PPP2R2A: variants seen among roughly 807,000 people sequenced by gnomAD.
The protein encoded by PPP2R2A is protein phosphatase 2 regulatory subunit Balpha.
PPP2R2A carries 9 observed loss-of-function variants against 53.2 expected under a neutral mutation model. The ratio of observed to expected loss-of-function variants is 0.17; its 90% CI spans 0.10 to 0.30. PPP2R2A has a LOEUF of 0.30. PPP2R2A is among the 10% of genes least tolerant of loss of function. The probability of loss-of-function intolerance (pLI) is 1.00; values close to 1 mark genes in which losing one functional copy is unlikely to be tolerated. For synonymous variants in PPP2R2A, 169 were observed against 174.2 expected (o/e 0.97, Z 0.23); for missense variants, 235 against 534.6 (o/e 0.44, Z 5.53).
At chr8:26,307,989 C>T (rs1802100118) in intron 2 of PPP2R2A, among the ~76,000 whole-genome samples, 1 of 152,170 alleles carries the variant, frequency 6.6e-6, no homozygotes, top group Non-Finnish European at 1.5e-5. Flanking sequence ...TTCCAGATCA[C>T]TGTAATAAAG....
At chr8:26,334,029 T>C (rs1183343325) in intron 2 of PPP2R2A, among the ~76,000 whole-genome samples, 1 of 152,196 alleles carries the variant, frequency 6.6e-6, no homozygotes. Flanking sequence ...ACAAAAATAC[T>C]CTTATGCCTT....
intron 2 of PPP2R2A, among the ~76,000 whole-genome samples, chr8:26,304,806 CA>C (rs1468367764): frequency 6.6e-6 from 1 of 152,150 alleles, no homozygotes; most frequent in Non-Finnish European, 1.5e-5. Context: ...TTGGTAGTAG[CA>C]AAGGCATTGC....
At chr8:26,306,688 T>C (rs1235896355) in intron 2 of PPP2R2A, among the ~76,000 whole-genome samples, 1 of 151,988 alleles carries the variant, frequency 6.6e-6, no homozygotes, top group African/African-American at 2.4e-5. Flanking sequence ...AAAAATCTAA[T>C]AAAGGTTGGG....
intron 1 of PPP2R2A, chr8:26,293,333 A>G: frequency 1.4e-6 from 2 of 1,411,820 alleles, no homozygotes; most frequent in Non-Finnish European, 1.9e-6. Context: ...CACTTAAGAA[A>G]ACTCTTTAAC....
At chr8:26,345,871 A>G (rs1804186292) in intron 3 of PPP2R2A, among the ~76,000 whole-genome samples, 1 of 152,194 alleles carries the variant, frequency 6.6e-6, no homozygotes, top group Admixed American at 6.5e-5. Context: ...TTGAATTTGG[A>G]TGGGCCACAT....
chr8:26,295,112 A>G (rs1045192548), intron 2 of PPP2R2A, among the ~76,000 whole-genome samples: 1 of 152,188 alleles, frequency 6.6e-6, no homozygotes, highest in Non-Finnish European at 1.5e-5. Context: ...GCAGTTGTGT[A>G]ATACTCACCA....
Position 26,370,079 on chromosome 8 carries a change from T to G in PPP2R2A, c.1065-55T>G. On this transcript the variant is annotated intron_variant, in intron 9 of 9. Transcript: ENST00000380737. This position sits in a 1 kb window ranked among gnomAD's most constrained non-coding sequence, Gnocchi z 6.1. Reference sequence around the variant, plus strand: ...GGTTTAATTGCCGAATCATTTTACTTGAAAACAATTTCTTGTTCTGCTTGT... The same window carrying G: ...GGTTTAATTGCCGAATCATTTTACTGGAAAACAATTTCTTGTTCTGCTTGT... The G allele has an allele frequency of 1.9e-6, 3 of 1,551,974 alleles. No individual in the cohort carries two copies. The highest frequency in any genetic ancestry group is 2.3e-5 in the East Asian group (1 of 44,116).
chr8:26,337,968 T>G (rs1411826147), intron 2 of PPP2R2A, among the ~76,000 whole-genome samples: 1 of 152,250 alleles, frequency 6.6e-6, no homozygotes, highest in Non-Finnish European at 1.5e-5. Flanking sequence ...TTTTAAAGTA[T>G]GTATATCATC....
chr8:26,293,623 A>G (rs1196742867), intron 1 of PPP2R2A, 43 bp from the exon 2 acceptor site: 3 of 1,578,368 alleles, frequency 1.9e-6, no homozygotes, highest in Non-Finnish European at 8.7e-7. Context: ...GAGAGTCAAC[A>G]TAAGCAGAAC....
At chr8:26,364,583 T>C (rs1805272757) in intron 8 of PPP2R2A, among the ~76,000 whole-genome samples, 5 of 152,256 alleles carry the variant, frequency 3.3e-5, no homozygotes, top group Admixed American at 3.3e-4. Flanking sequence ...TTTATACATA[T>C]ACTTTCTTTA....
rs2229762 is a variant in PPP2R2A at position 26,363,815 on chromosome 8, T to C, written c.897T>C (p.Tyr299=). 4.8e-3 allele frequency: 7,654 copies of C among 1,609,022 alleles called. 321 individuals carry two copies. The East Asian group carries it at 0.1, about 22-fold the overall frequency. ...TAAAATTCAGCCATAGTGGTCGATA[T>C]ATGATGACTAGAGACTATTTGTCAG... is the stretch of plus-strand genomic sequence containing the variant. The part of the protein sequence containing the change: ...SDVKFSHSGR[Y]MMTRDYLSVK... Residue 299 remains tyrosine, a synonymous_variant, in exon 8 of 10, where the codon TAT becomes TAC. Transcript: ENST00000380737.
chr8:26,352,254 A>G (rs920923718), intron 3 of PPP2R2A, among the ~76,000 whole-genome samples: 2 of 152,312 alleles, frequency 1.3e-5, no homozygotes, highest in Middle Eastern at 3.4e-3. Context: ...AGTGTTGAGT[A>G]TGCGGTTATG....
intron 9 of PPP2R2A, among the ~76,000 whole-genome samples, chr8:26,367,427 T>C (rs1805432261): frequency 6.6e-6 from 1 of 152,220 alleles, no homozygotes; most frequent in South Asian, 2.1e-4. Context: ...TTATGTTCTA[T>C]TATCAGAAAA....
rs943830594 is a variant in PPP2R2A at position 26,316,062 on chromosome 8, C to T, written c.82+22322C>T. Among the ~76,000 whole-genome samples the T allele has an allele frequency of 2.0e-5, 3 of 152,058 alleles. No homozygotes were observed. In the East Asian group the frequency reaches 5.8e-4, roughly 29 times the overall value. ...TGTTGTTGCCCAGGCTGGAGTACAA[C>T]GGTGCGACCTCGGCTCACTGCAGCC... is the stretch of plus-strand genomic sequence containing the variant. On this transcript the variant is annotated intron_variant, in intron 2 of 9. Transcript: ENST00000380737.
intron 2 of PPP2R2A, among the ~76,000 whole-genome samples, chr8:26,314,797 CCTT>C (rs549968026): frequency 2.0e-5 from 3 of 149,494 alleles, no homozygotes; most frequent in Non-Finnish European, 4.4e-5. Flanking sequence ...AGATTCATTT[CCTT>C]CTGTTTTTTC....
At chr8:26,313,160 A>G (rs1802372782) in intron 2 of PPP2R2A, among the ~76,000 whole-genome samples, 1 of 151,532 alleles carries the variant, frequency 6.6e-6, no homozygotes, top group South Asian at 2.1e-4. Flanking sequence ...CAGCCTCCCA[A>G]GTAGCTAGGA....
intron 2 of PPP2R2A, among the ~76,000 whole-genome samples, chr8:26,337,446 T>G (rs988022584): frequency 4.6e-5 from 7 of 152,236 alleles, no homozygotes; most frequent in African/African-American, 1.7e-4. Context: ...TCTGCTACTC[T>G]TTGCTCCTAC....
chr8:26,353,469 C>G (rs1202458027), intron 3 of PPP2R2A, among the ~76,000 whole-genome samples: 1 of 152,182 alleles, frequency 6.6e-6, no homozygotes, highest in Non-Finnish European at 1.5e-5. Context: ...TCAAGAAGTT[C>G]TAAACATTTC....
chr8:26,323,613 A>G, intron 2 of PPP2R2A, among the ~76,000 whole-genome samples: 1 of 152,194 alleles, frequency 6.6e-6, no homozygotes, highest in South Asian at 2.1e-4. Context: ...CTTTATTATG[A>G]AGGGCATTTT....
Sources: gnomAD v4.1 joint callset for allele counts (sites outside exome capture counted in the v4.1 genomes callset) on GRCh38, gnomAD v4.1.1 for gene constraint, Gnocchi (gnomAD v3.1) non-coding constraint, MANE v1.5 for transcripts, NCBI Gene and HGNC (gene_info 2026-07-23, HGNC 2026-07-21) for gene names.